Variants in MTF2 observed in about 807,000 individuals in gnomAD.
MTF2 encodes metal response element binding transcription factor 2, also known as metal-response element-binding transcription factor 2.
Under a neutral mutation model 79.5 loss-of-function variants are expected in MTF2, and 11 were observed. The observed-to-expected ratio is 0.14, with a 90% CI of 0.09 to 0.23. MTF2 has a LOEUF of 0.23. Ranked by LOEUF, MTF2 falls within the 10% of genes least tolerant of loss-of-function variation. The probability of loss-of-function intolerance (pLI) is 1.00; values close to 1 mark genes in which losing one functional copy is unlikely to be tolerated. For synonymous variants in MTF2, 208 were observed against 232.8 expected, an observed-to-expected ratio of 0.89 and a Z score of 0.97; for missense variants, 486 against 711.2, an observed-to-expected ratio of 0.68 and a Z score of 3.60.
intron 1 of MTF2, among the ~76,000 whole-genome samples, chr1:93,095,152 T>A (rs1655236559): frequency 1.3e-5 from 2 of 152,084 alleles, no homozygotes; most frequent in Non-Finnish European, 2.9e-5. Context: ...ACTTATGTGT[T>A]CTGAGTAGCT....
Position 93,136,734 on chromosome 1 carries a change from C to T in MTF2, c.1489C>T (p.Arg497Trp), listed in dbSNP as rs1046801. Residue 497 changes from arginine to tryptophan, a missense_variant, in exon 15 of 15, where the codon CGG becomes TGG. Coordinates refer to ENST00000370298, the MANE Select transcript of MTF2 (RefSeq NM_007358.4). The part of the protein sequence containing the change: ...RSWPAAIPHL[R>W]RRRGRLPRRA... ...TTGGCCTGCTGCAATACCACATTTG[C>T]GGAGAAGAAGAGGTCGTCTTCCAAG... The T allele has an allele frequency of 3.1e-6, 5 of 1,613,952 alleles. No individual in the cohort carries two copies. Among genetic ancestry groups the T allele is most frequent in the Admixed American group, 3.3e-5 (2 of 59,996 alleles).
At chr1:93,091,846 T>C (rs990204557) in intron 1 of MTF2, among the ~76,000 whole-genome samples, 2 of 152,326 alleles carry the variant, frequency 1.3e-5, no homozygotes, top group South Asian at 2.1e-4. Context: ...AATTGTTTCT[T>C]GAGCTGTTTT....
chr1:93,114,350 C>T (rs1471004935), intron 3 of MTF2, among the ~76,000 whole-genome samples: 1 of 152,174 alleles, frequency 6.6e-6, no homozygotes, highest in Non-Finnish European at 1.5e-5. Context: ...CTCTAGTGTT[C>T]ACAAACCTTC....
At chr1:93,114,264 T>C (rs1228277180) in intron 3 of MTF2, among the ~76,000 whole-genome samples, 1 of 152,226 alleles carries the variant, frequency 6.6e-6, no homozygotes, top group Non-Finnish European at 1.5e-5. Flanking sequence ...TTACTTTTTT[T>C]CTTTAATTTC....
In MTF2 at chr1:93,127,239, A is replaced by G. The variant is rs913784254; in HGVS notation, c.929A>G (p.Asp310Gly). Residue 310 changes from aspartate to glycine, a missense_variant, in exon 10 of 15, where the codon GAC becomes GGC. Physicochemically the swap from Asp to Gly is moderately conservative, Grantham distance 94. Transcript: ENST00000370298. ...TTTCTTGATACTTCACAGCTGGCAG[A>G]CACACCAAAATCTGAAAGATATGAG... ...WDRLHPGELA[D>G]TPKSERYEHV... 6.2e-7 allele frequency: 1 copy of G among 1,611,274 alleles called. No homozygotes were observed. The highest frequency in any genetic ancestry group is 1.1e-5 in the South Asian group (1 of 91,012).
At chr1:93,091,370 A>G (rs1223207875) in intron 1 of MTF2, among the ~76,000 whole-genome samples, 2 of 146,712 alleles carry the variant, frequency 1.4e-5, no homozygotes, top group African/African-American at 5.1e-5. Context: ...AACATTTTTA[A>G]AACATGGCAA....
chr1:93,123,095 T>G (rs956474633), intron 9 of MTF2, among the ~76,000 whole-genome samples: 6 of 152,012 alleles, frequency 3.9e-5, no homozygotes, highest in African/African-American at 1.4e-4. Flanking sequence ...CCAAATCTTA[T>G]AAAATGCCAT....
Position 93,133,938 on chromosome 1 carries a change from C to T in MTF2, c.1277C>T (p.Ser426Leu). Residue 426 changes from serine (S) to leucine (L), a missense_variant, in exon 13 of 15, where the codon TCA (serine) becomes TTA (leucine). By Grantham distance (145) the Ser-to-Leu change is moderately radical (BLOSUM62 -2). Coordinates refer to ENST00000370298, the MANE Select transcript of MTF2 (RefSeq NM_007358.4). ...ATTTTTATTTTCCAGGATAAGGAAT[C>T]AATTTCAGAGAATCCTACTTTGGAT... ...KTAEPLLDKE[S>L]ISENPTLDLP... is the part of the protein sequence containing the mutation. The T allele has an allele frequency of 6.3e-7, 1 of 1,576,434 alleles. No homozygotes were observed. Among genetic ancestry groups the T allele is most frequent in the Non-Finnish European group, 8.7e-7 (1 of 1,150,060 alleles).
rs189134245 is a variant in MTF2 at position 93,122,044 on chromosome 1, C to A, written c.921+1372C>A. On this transcript the variant is annotated intron_variant, in intron 9 of 14. Transcript: ENST00000370298. ...CTTGAACTCCTGACCTTAAGTGATC[C>A]GCCCACCTTGGCCTCCCAAAGTGCT... Among the ~76,000 whole-genome samples, 1,231 of 152,194 alleles carry A rather than the reference C, an allele frequency of 8.1e-3. 5 individuals are homozygous for A. Among genetic ancestry groups the A allele is most frequent in the Non-Finnish European group, 0.012 (799 of 68,002 alleles).
intron 9 of MTF2, among the ~76,000 whole-genome samples, chr1:93,123,761 T>C (rs1418788588): frequency 1.5e-5 from 2 of 136,678 alleles, no homozygotes; most frequent in East Asian, 2.0e-4. Flanking sequence ...GTGTATTGTG[T>C]CCCCCCCCCC....
intron 6 of MTF2, among the ~76,000 whole-genome samples, chr1:93,116,758 TC>T (rs1333945218): frequency 6.6e-6 from 1 of 152,132 alleles, no homozygotes; most frequent in East Asian, 1.9e-4. Flanking sequence ...TGCTTTGGCC[TC>T]CCAAAGTGCT....
chr1:93,099,542 A>T (rs1557545832), intron 1 of MTF2, among the ~76,000 whole-genome samples: 1 of 152,172 alleles, frequency 6.6e-6, no homozygotes, highest in Non-Finnish European at 1.5e-5. Flanking sequence ...TTCCGAGGGA[A>T]GTTTTCAACA....
chr1:93,132,001 G>A (rs1300560534), intron 11 of MTF2, among the ~76,000 whole-genome samples: 2 of 151,508 alleles, frequency 1.3e-5, no homozygotes, highest in African/African-American at 4.9e-5. Flanking sequence ...TACAGAGAGG[G>A]GAATTTAAGG....
chr1:93,084,859 A>G (rs1213834470), intron 1 of MTF2, among the ~76,000 whole-genome samples: 1 of 152,194 alleles, frequency 6.6e-6, no homozygotes, highest in African/African-American at 2.4e-5. Context: ...CCTGGGTGAC[A>G]GAGCAAGGCC....
At chr1:93,082,999 CTA>C (rs1654670550) in intron 1 of MTF2, among the ~76,000 whole-genome samples, 1 of 152,164 alleles carries the variant, frequency 6.6e-6, no homozygotes, top group Non-Finnish European at 1.5e-5. Context: ...CTTAGCATGA[CTA>C]TATTAGTCCA....
chr1:93,089,561 AAAAG>A (rs1654985628), intron 1 of MTF2, among the ~76,000 whole-genome samples: 1 of 152,170 alleles, frequency 6.6e-6, no homozygotes, highest in African/African-American at 2.4e-5. Flanking sequence ...CCTTTAAAAA[AAAAG>A]AAAGATGGAG....
intron 1 of MTF2, among the ~76,000 whole-genome samples, chr1:93,091,523 A>G (rs918719833): frequency 6.6e-6 from 1 of 152,116 alleles, no homozygotes; most frequent in Non-Finnish European, 1.5e-5. Flanking sequence ...CCATCATTCA[A>G]ATAAGAGTTT....
chr1:93,121,529 G>A (rs1378662468), intron 9 of MTF2: 2 of 984,502 alleles, frequency 2.0e-6, no homozygotes, highest in Non-Finnish European at 2.4e-6. Context: ...TTTGAGACAC[G>A]AAGGACATCC....
intron 1 of MTF2, among the ~76,000 whole-genome samples, chr1:93,100,929 A>T (rs1571225659): frequency 6.6e-6 from 1 of 152,164 alleles, no homozygotes; most frequent in Non-Finnish European, 1.5e-5. Context: ...CAAAAATAGC[A>T]CTTTTCTTAG....
Sources: allele counts gnomAD v4.1 joint callset (sites outside exome capture counted in the v4.1 genomes callset), GRCh38; gene constraint gnomAD v4.1.1; transcripts MANE v1.5; gene names NCBI Gene and HGNC (gene_info 2026-07-23, HGNC 2026-07-21).